SFMBT2: variants seen among roughly 807,000 people sequenced by gnomAD.
The protein encoded by SFMBT2 is scm-like with four MBT domains protein 2.
A neutral mutation model predicts 110.1 loss-of-function variants in SFMBT2; 38 were observed. The ratio of observed to expected loss-of-function variants is 0.35; its 90% CI spans 0.27 to 0.45. The LOEUF is 0.45. SFMBT2 is among the 20% of genes least tolerant of loss of function. The probability of loss-of-function intolerance (pLI) is 1.00; values close to 1 mark genes in which losing one functional copy is unlikely to be tolerated. For synonymous variants in SFMBT2, 425 were observed against 425.4 expected, an observed-to-expected ratio of 1.00 and a Z score of 0.01; for missense variants, 1,011 against 1,094.9, an observed-to-expected ratio of 0.92 and a Z score of 1.08.
intron 7 of SFMBT2, among the ~76,000 whole-genome samples, chr10:7,251,991 A>C (rs1840827652): frequency 6.6e-6 from 1 of 152,106 alleles, no homozygotes; most frequent in Admixed American, 6.5e-5. Flanking sequence ...CCTCCATTCC[A>C]GATTCTGTGC....
chr10:7,159,491 A>G lies in SFMBT2; in HGVS notation c.*4279T>C, dbSNP rs1280317728. On this transcript the variant is annotated 3_prime_UTR_variant, in exon 21 of 21. Transcript: ENST00000397167. ...ACAGAAAAGGGCAGTAAACAAAAGA[A>G]TTATTGAATTATAATAGTTGCCAAT... 6.6e-6 allele frequency: 1 copy of G among 152,246 alleles called. No individual in the cohort carries two copies. Among genetic ancestry groups the G allele is most frequent in the African/African-American group, 2.4e-5 (1 of 41,460 alleles). The allele number at this position is 152,246 out of a possible 1,614,324, so 9.4% of individuals were successfully genotyped here. A position where few individuals can be genotyped will look rare whatever the true frequency, so the allele number is the denominator to read the frequency against.
chr10:7,261,721 T>C (rs1270591451), intron 7 of SFMBT2, among the ~76,000 whole-genome samples: 1 of 152,216 alleles, frequency 6.6e-6, no homozygotes, highest in African/African-American at 2.4e-5. Flanking sequence ...GCCTTTCCTT[T>C]CATCAAGTTG....
At chr10:7,186,536 C>T (rs1838418396) in intron 16 of SFMBT2, among the ~76,000 whole-genome samples, 2 of 150,472 alleles carry the variant, frequency 1.3e-5, no homozygotes, top group South Asian at 4.2e-4. Context: ...GTCTTGAATT[C>T]CTGGACTCAA....
At position 7,399,336 on chromosome 10, in the gene SFMBT2, G is replaced by A. The variant is rs370957158; in HGVS notation, c.-52+11525C>T. ...CAACCTCTGCCTCCTGGGTTCAAGC[G>A]ATTCTCCTGCCTCAGCCTCCCAAGT... is the stretch of plus-strand genomic sequence containing the variant. On this transcript the variant is annotated intron_variant, in intron 1 of 20. Coordinates refer to ENST00000397167, the MANE Select transcript of SFMBT2 (RefSeq NM_001387889.1). Among the ~76,000 whole-genome samples, 47 of 152,200 alleles carry A rather than the reference G, an allele frequency of 3.1e-4. No homozygotes were observed. The East Asian group carries it at 5.8e-3, about 19-fold the overall frequency.
At chr10:7,210,810 A>G (rs973276217) in intron 11 of SFMBT2, among the ~76,000 whole-genome samples, 5 of 152,208 alleles carry the variant, frequency 3.3e-5, no homozygotes, top group Non-Finnish European at 7.3e-5. Flanking sequence ...GCCTGGGAAA[A>G]CAAAACCAAA....
At chr10:7,323,730 G>T (rs1020069909) in intron 4 of SFMBT2, among the ~76,000 whole-genome samples, 33 of 152,032 alleles carry the variant, frequency 2.2e-4, no homozygotes, top group African/African-American at 7.2e-4. Context: ...TTTAAGAAAA[G>T]AAAGTACATA....
intron 4 of SFMBT2, among the ~76,000 whole-genome samples, chr10:7,298,788 T>C (rs1160666867): frequency 2.0e-5 from 3 of 152,170 alleles, no homozygotes; most frequent in Admixed American, 1.3e-4. Context: ...TGTGTGTATA[T>C]GTGTGTCTGT....
chr10:7,309,236 T>A (rs1842781206), intron 4 of SFMBT2, among the ~76,000 whole-genome samples: 1 of 152,242 alleles, frequency 6.6e-6, no homozygotes, highest in African/African-American at 2.4e-5. Context: ...TTCTCCTGCC[T>A]GAATGCTGGA....
chr10:7,266,452 T>C (rs1841395386), intron 7 of SFMBT2, among the ~76,000 whole-genome samples: 1 of 152,126 alleles, frequency 6.6e-6, no homozygotes, highest in South Asian at 2.1e-4. Flanking sequence ...TGCAGGAATC[T>C]GGGGGTGACC....
intron 2 of SFMBT2, among the ~76,000 whole-genome samples, chr10:7,379,422 G>C (rs1015316403): frequency 8.9e-6 from 1 of 112,076 alleles, no homozygotes; most frequent in East Asian, 3.7e-4. Context: ...CTCAAAACTA[G>C]ATTTTAGTAA....
chr10:7,406,319 G>A (rs1339122039), intron 1 of SFMBT2, among the ~76,000 whole-genome samples: 3 of 152,032 alleles, frequency 2.0e-5, no homozygotes, highest in Non-Finnish European at 2.9e-5. Context: ...TAGGGCCTGG[G>A]GAGAGTAAAT....
intron 8 of SFMBT2, among the ~76,000 whole-genome samples, chr10:7,248,340 G>C (rs1840684510): frequency 6.6e-6 from 1 of 152,206 alleles, no homozygotes; most frequent in Non-Finnish European, 1.5e-5. Flanking sequence ...ATGATAAGAG[G>C]GGGCATCTGA....
At chr10:7,221,892 C>A (rs184686685) in intron 10 of SFMBT2, among the ~76,000 whole-genome samples, 1 of 152,184 alleles carries the variant, frequency 6.6e-6, no homozygotes, top group Non-Finnish European at 1.5e-5. Flanking sequence ...CCCTTCACCC[C>A]CAAAATACCC....
intron 16 of SFMBT2, among the ~76,000 whole-genome samples, chr10:7,180,057 C>T (rs1360116829): frequency 2.6e-5 from 4 of 152,106 alleles, no homozygotes; most frequent in African/African-American, 9.7e-5. Context: ...GACCCCTTCA[C>T]TGGGGGGCTT....
chr10:7,211,911 G>A (rs1839363026), intron 11 of SFMBT2, among the ~76,000 whole-genome samples: 1 of 152,118 alleles, frequency 6.6e-6, no homozygotes, highest in South Asian at 2.1e-4. Context: ...GGGCTTCTCT[G>A]AACCACACCA....
intron 7 of SFMBT2, among the ~76,000 whole-genome samples, chr10:7,273,989 T>C (rs894993138): frequency 7.2e-5 from 11 of 152,234 alleles, no homozygotes; most frequent in African/African-American, 1.9e-4. Flanking sequence ...CGGATGTTTA[T>C]TGCAGCACTA....
chr10:7,206,649 T>C (rs974139133), intron 11 of SFMBT2: 16 of 905,160 alleles, frequency 1.8e-5, no homozygotes, highest in Non-Finnish European at 2.1e-5. Flanking sequence ...TATTTCGTAA[T>C]TACAGTCATG....
At chr10:7,312,479 C>G (rs1484500370) in intron 4 of SFMBT2, among the ~76,000 whole-genome samples, 1 of 152,162 alleles carries the variant, frequency 6.6e-6, no homozygotes, top group African/African-American at 2.4e-5. Context: ...AAGTAAAATA[C>G]AGAATAAAAT....
At chr10:7,258,193 A>T (rs1294946270) in intron 7 of SFMBT2, among the ~76,000 whole-genome samples, 1 of 152,130 alleles carries the variant, frequency 6.6e-6, no homozygotes, top group Non-Finnish European at 1.5e-5. Context: ...TCAGCATCCC[A>T]AAGTGCTGGG....
Sources: allele counts gnomAD v4.1 joint callset (sites outside exome capture counted in the v4.1 genomes callset), GRCh38; gene constraint gnomAD v4.1.1; transcripts MANE v1.5; gene names NCBI Gene and HGNC (gene_info 2026-07-23, HGNC 2026-07-21).